The following NCAPG2 variants were observed in gnomAD, a reference collection of about 807,000 sequenced individuals.
The protein encoded by NCAPG2 is condensin-2 complex subunit G2.
NCAPG2 carries 53 observed loss-of-function variants against 141.1 expected under a neutral mutation model. The observed-to-expected ratio is 0.38, with a 90% CI of 0.30 to 0.47. The LOEUF (loss-of-function observed/expected upper bound fraction) is 0.47. NCAPG2 is among the 20% of genes least tolerant of loss of function. NCAPG2 has a pLI of 0.99. For missense variants in NCAPG2, 1,087 were observed against 1,389.0 expected, an observed-to-expected ratio of 0.78 and a Z score of 3.46; for synonymous variants, 499 against 490.7, an observed-to-expected ratio of 1.02 and a Z score of -0.22.
chr7:158,657,792 A>G (rs1832110913), intron 17 of NCAPG2, among the ~76,000 whole-genome samples: 1 of 152,150 alleles, frequency 6.6e-6, no homozygotes, highest in East Asian at 1.9e-4. Context: ...GAGACTTTTC[A>G]TTTTGTCCTG....
At chr7:158,661,427 C>A (rs1458264774) in intron 16 of NCAPG2, among the ~76,000 whole-genome samples, 1 of 151,602 alleles carries the variant, frequency 6.6e-6, no homozygotes, top group Non-Finnish European at 1.5e-5. Flanking sequence ...GAAGGTCCTG[C>A]ATGCAAATAG....
chr7:158,698,387 C>A (rs1463519834), intron 2 of NCAPG2, among the ~76,000 whole-genome samples: 3 of 152,190 alleles, frequency 2.0e-5, no homozygotes, highest in Non-Finnish European at 2.9e-5. Context: ...GTTGTGCCAG[C>A]TCCAGCTACA....
At chr7:158,693,274 A>G in intron 3 of NCAPG2, 35 bp downstream of exon 3, 2 of 1,576,924 alleles carry the variant, frequency 1.3e-6, no homozygotes, top group South Asian at 2.4e-5. Context: ...AAAAAAAGAG[A>G]AAAACGTTTC....
At position 158,650,957 on chromosome 7, in the gene NCAPG2, G is replaced by T; in HGVS notation, c.2950C>A (p.Gln984Lys). Residue 984 changes from glutamine to lysine, a missense_variant, in exon 24 of 28, where the codon CAG becomes AAG. By Grantham distance (53) the Gln-to-Lys change is moderately conservative. Transcript: ENST00000356309. ...EEGLRLLYSV[Q>K]RPLHEFITAV... ...GTAATGAACTCATGAAGAGGCCTCT[G>T]AACAGAATAAAGCAGCTACAAGAAA... 1 of 1,602,842 alleles carries T rather than the reference G, an allele frequency of 6.2e-7. No individual in the cohort carries two copies. The highest frequency in any genetic ancestry group is 8.5e-7 in the Non-Finnish European group (1 of 1,176,864).
chr7:158,693,519 T>A (rs374179874), intron 2 of NCAPG2, 22 bp from the exon 3 acceptor site: 2 of 1,579,934 alleles, frequency 1.3e-6, no homozygotes, highest in Non-Finnish European at 1.7e-6. Flanking sequence ...ATAGCAAGTG[T>A]CACATTTCAA....
At position 158,634,409 on chromosome 7, in the gene NCAPG2, GT is replaced by G. The variant is rs527285940; in HGVS notation, c.3381-2693del. On this transcript the variant is annotated intron_variant, in intron 27 of 27. Transcript: ENST00000356309. ...TATACTATATTGTTTATCCTATACTGTTATATTATATTAGGGAATAATGACA... is the reference window on the plus strand; with the variant it reads ...TATACTATATTGTTTATCCTATACTGTATATTATATTAGGGAATAATGACA... Among the ~76,000 whole-genome samples the G allele has an allele frequency of 6.3e-3, 952 of 152,088 alleles. 11 individuals are homozygous for G. Among genetic ancestry groups the G allele is most frequent in the African/African-American group, 0.021 (889 of 41,454 alleles).
At chr7:158,634,180 C>A (rs992405474) in intron 27 of NCAPG2, among the ~76,000 whole-genome samples, 18 of 114,630 alleles carry the variant, frequency 1.6e-4, no homozygotes, top group Admixed American at 9.3e-4. Context: ...CAGGACCCCC[C>A]AGATACTAAA....
intron 22 of NCAPG2, among the ~76,000 whole-genome samples, chr7:158,653,801 T>C (rs73514187): frequency 1.1e-3 from 166 of 152,360 alleles, no homozygotes; most frequent in African/African-American, 3.9e-3. Context: ...ATGTTGAGGC[T>C]TTTACAGATC....
intron 19 of NCAPG2, 68 bp downstream of exon 19, chr7:158,656,192 G>C (rs1351703315): frequency 2.6e-6 from 4 of 1,530,642 alleles, no homozygotes; most frequent in African/African-American, 2.7e-5. Flanking sequence ...AAATATGAAA[G>C]CTTCACACTT....
chr7:158,672,284 GTGTGTGTGTATATA>G (rs1229441647), intron 12 of NCAPG2, among the ~76,000 whole-genome samples: 1 of 70,738 alleles, frequency 1.4e-5, no homozygotes, highest in African/African-American at 6.4e-5. Context: ...ACACATGTGT[GTGTGTGTGTATATA>G]TATATATATA....
intron 27 of NCAPG2, among the ~76,000 whole-genome samples, chr7:158,632,777 AT>A (rs1215633098): frequency 3.9e-5 from 6 of 152,174 alleles, no homozygotes; most frequent in Non-Finnish European, 8.8e-5. Context: ...GCTTCTTTTT[AT>A]TTTTTTAAGC....
Position 158,640,192 on chromosome 7 carries a change from T to A in NCAPG2, c.3380+4097A>T, listed in dbSNP as rs542528803. On this transcript the variant is annotated intron_variant, in intron 27 of 27. Coordinates refer to ENST00000356309, the MANE Select transcript of NCAPG2 (RefSeq NM_017760.7). Reference sequence around the variant, plus strand: ...TTATCTACTGAGGAGCAAAAAAGAATTATATCCTATTTCTCAGATACTACA... The same window carrying A: ...TTATCTACTGAGGAGCAAAAAAGAAATATATCCTATTTCTCAGATACTACA... The A allele has an allele frequency of 2.6e-5, 4 of 152,010 alleles. No homozygotes were observed. The South Asian group carries it at 8.3e-4, about 32-fold the overall frequency. 9.4% of individuals were successfully genotyped at this position (152,010 alleles called of 1,614,324 possible). A position where few individuals can be genotyped will look rare whatever the true frequency, so the allele number is the denominator to read the frequency against.
At chr7:158,687,515 A>T in intron 6 of NCAPG2, 73 bp from the exon 7 acceptor site, 1 of 1,084,244 alleles carries the variant, frequency 9.2e-7, no homozygotes, top group Non-Finnish European at 1.4e-6. Flanking sequence ...CAATTATTTG[A>T]ACGTCTAGTA....
intron 12 of NCAPG2, among the ~76,000 whole-genome samples, chr7:158,671,938 G>GCT (rs1563548527): frequency 6.6e-6 from 1 of 152,152 alleles, no homozygotes; most frequent in East Asian, 1.9e-4. Flanking sequence ...AATCTTTAAT[G>GCT]CTCTCTCTCA....
intron 11 of NCAPG2, among the ~76,000 whole-genome samples, chr7:158,678,386 A>G (rs1834230525): frequency 6.6e-6 from 1 of 152,242 alleles, no homozygotes; most frequent in African/African-American, 2.4e-5. Flanking sequence ...CTGCTCCTAC[A>G]CAGCCCACAG....
chr7:158,656,837 T>C, intron 17 of NCAPG2, 132 bp from the exon 18 acceptor site: 1 of 1,027,858 alleles, frequency 9.7e-7, no homozygotes, highest in Non-Finnish European at 1.4e-6. Context: ...AGCACTTCCA[T>C]GCTCTCCAAT....
intron 25 of NCAPG2, among the ~76,000 whole-genome samples, chr7:158,646,128 CA>C (rs1831000246): frequency 6.6e-6 from 1 of 152,110 alleles, no homozygotes. Flanking sequence ...TTAACCTTGT[CA>C]AGTGTTTTGA....
chr7:158,649,480 T>C (rs898491543), intron 24 of NCAPG2, among the ~76,000 whole-genome samples: 2 of 152,226 alleles, frequency 1.3e-5, no homozygotes, highest in African/African-American at 2.4e-5. Flanking sequence ...ACTTTACTGA[T>C]AAAAAACAGA....
intron 6 of NCAPG2, among the ~76,000 whole-genome samples, chr7:158,688,177 T>TAAAA (rs34988657): frequency 7.4e-6 from 1 of 134,332 alleles, no homozygotes. Context: ...ACAGGCAAGT[T>TAAAA]AAAAAAAAAA....
Sources: allele counts gnomAD v4.1 joint callset (sites outside exome capture counted in the v4.1 genomes callset), GRCh38; gene constraint gnomAD v4.1.1; transcripts MANE v1.5; gene names NCBI Gene and HGNC (gene_info 2026-07-23, HGNC 2026-07-21).